TAB3: variants seen among roughly 807,000 people sequenced by gnomAD.
TAB3 encodes TGF-beta activated kinase 1 (MAP3K7) binding protein 3, also known as TGF-beta-activated kinase 1 and MAP3K7-binding protein 3.
Under a neutral mutation model 48.1 loss-of-function variants are expected in TAB3, and 18 were observed. The ratio of observed to expected loss-of-function variants is 0.37; its 90% CI spans 0.26 to 0.55. TAB3 has a LOEUF of 0.55. TAB3 is among the 20% of genes least tolerant of loss of function. The pLI is 0.78. For missense variants in TAB3, 414 were observed against 549.8 expected (o/e 0.75, Z 2.47); for synonymous variants, 185 against 190.2 (o/e 0.97, Z 0.22).
At chrX:30,888,922 C>T (rs1267398373) in intron 1 of TAB3, among the ~76,000 whole-genome samples, 192 bp downstream of exon 1, 1 of 113,299 alleles carries the variant, frequency 8.8e-6, no homozygotes, top group Non-Finnish European at 1.9e-5. Context: ...GCGGACGCGC[C>T]AGGCCCTGCG....
At chrX:30,860,987 T>C (rs1017248035) in intron 4 of TAB3, among the ~76,000 whole-genome samples, 12 of 111,889 alleles carry the variant, frequency 1.1e-4, no homozygotes, top group Non-Finnish European at 2.3e-4. Context: ...CATACAAACA[T>C]GTGTACATGC....
rs778022640 is a variant in TAB3 at position 30,873,488 on chromosome X, G to A, written c.-382-1687C>T. ...TGCAGTGAGCGGAGATCGCGCCACA[G>A]CACTCCCGCCTGGGCGACAGAACGA... On this transcript the variant is annotated intron_variant, in intron 1 of 10. Transcript: ENST00000288422. Among the ~76,000 whole-genome samples the A allele has an allele frequency of 8.9e-3, 909 of 101,806 alleles. 9 individuals carry two copies. Among genetic ancestry groups the A allele is most frequent in the Non-Finnish European group, 0.013 (661 of 50,268 alleles). The allele number at this position is 101,806 out of a possible 115,157, so 88.4% of individuals were successfully genotyped here. A position where few individuals can be genotyped will look rare whatever the true frequency, so the allele number is the denominator to read the frequency against.
At position 30,859,638 on chromosome X, in the gene TAB3, G is replaced by C. The variant is rs776371447; in HGVS notation, c.-50C>G. The C allele has an allele frequency of 1.1e-6, 1 of 901,743 alleles. No homozygotes were observed. Among genetic ancestry groups the C allele is most frequent in the South Asian group, 2.2e-5 (1 of 44,967 alleles). 74.3% of individuals were successfully genotyped at this position (901,743 alleles called of 1,213,427 possible). ...TCTCTTAGGAAATGGATGTTAACCG[G>C]CTTTCCAAAAGTAATGATCTTCTAG... On this transcript the variant is annotated 5_prime_UTR_variant, in exon 5 of 11. Transcript: ENST00000288422.
In TAB3 at chrX:30,868,391, ATATATATATATAGCT is replaced by A. The variant is rs1252642214; in HGVS notation, c.-279-857_-279-843del. On this transcript the variant is annotated intron_variant, in intron 2 of 10. Coordinates refer to ENST00000288422, the MANE Select transcript of TAB3 (RefSeq NM_152787.5). ...TATAGCTTATATATATATAGCTTAT[ATATATATATATAGCT>A]TATATATATATAGCTTATATATATA... Among the ~76,000 whole-genome samples, 12 of 34,072 alleles carry A rather than the reference ATATATATATATAGCT, an allele frequency of 3.5e-4. 1 individual carries two copies. In the East Asian group the frequency reaches 3.6e-3, roughly 10 times the overall value. 29.6% of individuals were successfully genotyped at this position (34,072 alleles called of 115,157 possible).
At chrX:30,859,360 C>CCACA (rs137921689) in intron 5 of TAB3, 127 bp downstream of exon 5, 32,742 of 376,423 alleles carry the variant, frequency 0.087, 714 homozygotes, top group East Asian at 0.33. Flanking sequence ...AAATCCTGCT[C>CCACA]CACACACACA....
Position 30,854,893 on chromosome X carries a change from C to G in TAB3, c.772G>C (p.Val258Leu), listed in dbSNP as rs750406873. ...AAAGGACGCTGGCTATAGTGAGGCA[C>G]TGGGCCCTGTGGTGAGGACTGCCAC... ...TPWQSSPQGP[V>L]PHYSQRPLPV... is the part of the protein sequence containing the mutation. Residue 258 changes from valine to leucine, a missense_variant, in exon 6 of 11, where the codon GTG becomes CTG. Physicochemically the swap from Val to Leu is conservative, Grantham distance 32 (BLOSUM62 1). Coordinates refer to ENST00000288422, the MANE Select transcript of TAB3 (RefSeq NM_152787.5). The G allele has an allele frequency of 2.5e-6, 3 of 1,210,637 alleles. No individual in the cohort carries two copies. Among genetic ancestry groups the G allele is most frequent in the Non-Finnish European group, 3.4e-6 (3 of 894,897 alleles).
chrX:30,846,193 G>T, intron 8 of TAB3: 1 of 537,474 alleles, frequency 1.9e-6, no homozygotes, highest in Non-Finnish European at 2.5e-6. Context: ...CTCTGATTTG[G>T]GATCCCTTTT....
intron 10 of TAB3, among the ~76,000 whole-genome samples, chrX:30,831,860 C>G (rs1404422943): frequency 8.9e-6 from 1 of 111,896 alleles, no homozygotes; most frequent in African/African-American, 3.3e-5. Context: ...GAGAGTTATG[C>G]TTTATTCCAG....
intron 10 of TAB3, 95 bp downstream of exon 10, chrX:30,833,956 G>T: frequency 2.4e-6 from 2 of 819,855 alleles, no homozygotes; most frequent in Non-Finnish European, 3.5e-6. Context: ...TGTTTTTAAA[G>T]CAAAAAATAA....
intron 2 of TAB3, among the ~76,000 whole-genome samples, chrX:30,869,980 T>C (rs1477460290): frequency 8.9e-6 from 1 of 112,782 alleles, no homozygotes; most frequent in Non-Finnish European, 1.9e-5. Flanking sequence ...TATTTCTTAC[T>C]GTGGGTTTGA....
chrX:30,842,079 G>A (rs1938468103), intron 9 of TAB3, among the ~76,000 whole-genome samples: 2 of 112,789 alleles, frequency 1.8e-5, no homozygotes, highest in African/African-American at 6.4e-5. Flanking sequence ...GACTGCACGT[G>A]TAAATTCAAT....
intron 1 of TAB3, among the ~76,000 whole-genome samples, chrX:30,886,969 G>A (rs759959016): frequency 3.4e-4 from 38 of 112,019 alleles, no homozygotes; most frequent in African/African-American, 1.2e-3. Context: ...GCAGATTATG[G>A]TGGATCCCAG....
intron 9 of TAB3, among the ~76,000 whole-genome samples, chrX:30,838,599 A>G (rs926960870): frequency 8.9e-6 from 1 of 112,762 alleles, no homozygotes; most frequent in Admixed American, 9.4e-5. Context: ...CACTGTATCT[A>G]TATATCAACC....
intron 1 of TAB3, among the ~76,000 whole-genome samples, chrX:30,877,797 A>G (rs1939881375): frequency 8.9e-6 from 1 of 112,308 alleles, no homozygotes; most frequent in African/African-American, 3.2e-5. Context: ...AGTATAAATG[A>G]ATCAAATGTT....
rs758418199 is a variant in TAB3, at chrX:30,855,012, T to C, written c.653A>G (p.Gln218Arg). 4.7e-5 allele frequency: 57 copies of C among 1,211,145 alleles called. No individual in the cohort carries two copies. Among genetic ancestry groups the C allele is most frequent in the Non-Finnish European group, 6.4e-5 (57 of 895,068 alleles). Residue 218 changes from glutamine (Q) to arginine (R), a missense_variant, in exon 6 of 11, where the codon CAA becomes CGA. Transcript: ENST00000288422. ...AGACCCATAGAGATTGCTTGGAATTTGTGGAAGAATTTGTAAAGCTCTTGG... is the reference window on the plus strand; with the variant it reads ...AGACCCATAGAGATTGCTTGGAATTCGTGGAAGAATTTGTAAAGCTCTTGG... The part of the protein sequence containing the change: ...TVPRALQILP[Q>R]IPSNLYGSPG...
chrX:30,868,611 A>G (rs1206346375), intron 2 of TAB3, among the ~76,000 whole-genome samples: 1 of 73,842 alleles, frequency 1.4e-5, no homozygotes, highest in African/African-American at 5.3e-5. Flanking sequence ...AGAGAGAGAG[A>G]GAGAGAGCGC....
chrX:30,846,121 CACATA>C (rs1046906363), intron 8 of TAB3: 11 of 859,689 alleles, frequency 1.3e-5, no homozygotes, highest in Non-Finnish European at 1.3e-5. Flanking sequence ...TGAATGTTTT[CACATA>C]ACATAACATG....
At chrX:30,872,225 CTTTAA>C (rs1569224354) in intron 1 of TAB3, among the ~76,000 whole-genome samples, 1 of 111,962 alleles carries the variant, frequency 8.9e-6, no homozygotes, top group Non-Finnish European at 1.9e-5. Context: ...GGCCATAGGT[CTTTAA>C]AATTTAAAGG....
At chrX:30,842,154 G>A (rs1938470976) in intron 9 of TAB3, among the ~76,000 whole-genome samples, 1 of 112,569 alleles carries the variant, frequency 8.9e-6, no homozygotes. Context: ...ATAAGAACAT[G>A]TTTGATATCT....
Sources: gnomAD v4.1 joint callset for allele counts (sites outside exome capture counted in the v4.1 genomes callset) on GRCh38, gnomAD v4.1.1 for gene constraint, MANE v1.5 for transcripts, NCBI Gene and HGNC (gene_info 2026-07-23, HGNC 2026-07-21) for gene names.